PLEKHG3: variants seen among roughly 807,000 people sequenced by gnomAD.
PLEKHG3 encodes pleckstrin homology domain-containing family G member 3.
In PLEKHG3, 62 loss-of-function variants were observed where a neutral mutation model predicts 94.9. The ratio of observed to expected loss-of-function variants is 0.65; its 90% CI spans 0.53 to 0.81. The LOEUF (loss-of-function observed/expected upper bound fraction) is 0.81, where lower values mean the gene tolerates loss of function less well. Among genes scored for constraint, PLEKHG3 ranks in the 30% least tolerant of loss-of-function variants. PLEKHG3 has a pLI of 0.00. For missense variants in PLEKHG3, 1,461 were observed against 1,619.3 expected (o/e 0.90, Z 1.68); for synonymous variants, 614 against 654.0 (o/e 0.94, Z 0.93).
At position 64,727,373 on chromosome 14, in the gene PLEKHG3, C is replaced by T. The variant is rs2081371802; in HGVS notation, c.-39-220C>T. Among the ~76,000 whole-genome samples the T allele has an allele frequency of 6.6e-6, 1 of 152,210 alleles. No homozygotes were observed. The highest frequency in any genetic ancestry group is 1.5e-5 in the Non-Finnish European group (1 of 68,030). ...CATAACATAAAATTTACCATCTTCA[C>T]CATTTTAAGTGTACAGTTCAGTGAC... On this transcript the variant is annotated intron_variant, in intron 1 of 16. Coordinates refer to ENST00000247226, the MANE Select transcript of PLEKHG3 (RefSeq NM_001308147.2). This position sits in a 1 kb window ranked among gnomAD's most constrained non-coding sequence, Gnocchi z 6.0.
chr14:64,710,512 A>T (rs2081052552), intron 1 of PLEKHG3, among the ~76,000 whole-genome samples: 2 of 152,160 alleles, frequency 1.3e-5, no homozygotes, highest in Admixed American at 1.3e-4. Flanking sequence ...TCTATTAAAG[A>T]TAACAAAAAT....
intron 12 of PLEKHG3, 120 bp downstream of exon 12, chr14:64,733,021 TAGA>T (rs1465783978): frequency 3.0e-6 from 2 of 663,884 alleles, no homozygotes; most frequent in Non-Finnish European, 5.3e-6. Flanking sequence ...TGGGAAAGGC[TAGA>T]GCGGGGCTGG....
rs1481992380 is a variant in PLEKHG3 at position 64,749,932 on chromosome 14, G to A, written c.*6229G>A. On this transcript the variant is annotated 3_prime_UTR_variant, in exon 17 of 17. Coordinates refer to ENST00000247226, the MANE Select transcript of PLEKHG3 (RefSeq NM_001308147.2). The surrounding 1 kb of genome is among the most constrained non-coding windows in gnomAD (Gnocchi z 4.7). ...AGAGGGCCTCTGCCCTGCCACTAAT[G>A]CCAAATCAAGCCATCAACCCGAGCT... 22 of 1,612,674 alleles carry A rather than the reference G, an allele frequency of 1.4e-5. No individual in the cohort carries two copies. Among genetic ancestry groups the A allele is most frequent in the East Asian group, 2.2e-5 (1 of 44,894 alleles).
chr14:64,749,276 C>G lies in PLEKHG3; in HGVS notation c.*5573C>G. 3 of 1,551,352 alleles carry G rather than the reference C, an allele frequency of 1.9e-6. No homozygotes were observed. Among genetic ancestry groups the G allele is most frequent in the Non-Finnish European group, 2.6e-6 (3 of 1,153,474 alleles). On this transcript the variant is annotated 3_prime_UTR_variant, in exon 17 of 17. Transcript: ENST00000247226. The surrounding 1 kb of genome is among the most constrained non-coding windows in gnomAD (Gnocchi z 4.7). ...TGGGCTGCCCGGTCTCTGCGCGTCC[C>G]GACTCCGCCGCGCCCGCCAGCCCCA...
intron 14 of PLEKHG3, chr14:64,737,971 AGGT>A (rs1566713311): frequency 2.6e-6 from 3 of 1,141,132 alleles, no homozygotes; most frequent in Admixed American, 5.5e-5. Flanking sequence ...GAAGAGGAGG[AGGT>A]GGTGGAGGAG....
chr14:64,719,665 G>T (rs569198212), intron 1 of PLEKHG3, among the ~76,000 whole-genome samples: 2 of 151,938 alleles, frequency 1.3e-5, no homozygotes, highest in African/African-American at 4.8e-5. Flanking sequence ...CCCAGTGGGG[G>T]CCCCTCCACA....
intron 12 of PLEKHG3, among the ~76,000 whole-genome samples, chr14:64,734,179 C>A (rs893764634): frequency 5.3e-5 from 8 of 152,016 alleles, no homozygotes; most frequent in African/African-American, 1.9e-4. Context: ...GATCTTGAGC[C>A]CTAGGCCACC....
At position 64,741,859 on chromosome 14, in the gene PLEKHG3, C is replaced by T. The variant is rs773978261; in HGVS notation, c.2342C>T (p.Pro781Leu). Residue 781 changes from proline to leucine, a missense_variant, in exon 16 of 17, where the codon CCG becomes CTG. Pro to Leu is a moderately conservative substitution (Grantham distance 98, BLOSUM62 -3). Around this residue, in one of 3 missense-constraint regions of PLEKHG3, gnomAD observed 1,201 missense variants for 1,295.5 expected, o/e 0.93. Coordinates refer to ENST00000247226, the MANE Select transcript of PLEKHG3 (RefSeq NM_001308147.2). ...VGSKRQVGSRPTSWALFELPG... is the reference protein window; with the variant it reads ...VGSKRQVGSRLTSWALFELPG... ...AGCAAGAGACAGGTGGGCTCCCGGC[C>T]GACTTCGTGGGCCCTGTTTGAGCTC... The T allele has an allele frequency of 2.9e-5, 47 of 1,613,202 alleles. No homozygotes were observed. The East Asian group carries it at 5.6e-4, about 19-fold the overall frequency.
chr14:64,740,162 G>T (rs910275978), intron 15 of PLEKHG3, among the ~76,000 whole-genome samples: 1 of 152,050 alleles, frequency 6.6e-6, no homozygotes, highest in Admixed American at 6.6e-5. Flanking sequence ...ACCCCATTTC[G>T]GGTGCTCAGA....
intron 1 of PLEKHG3, among the ~76,000 whole-genome samples, chr14:64,708,292 T>A (rs529920577): frequency 1.1e-4 from 16 of 152,186 alleles, no homozygotes; most frequent in African/African-American, 3.1e-4. Flanking sequence ...CCAGACTCAA[T>A]GAATCACACC....
Position 64,738,132 on chromosome 14 carries a change from G to T in PLEKHG3, c.1405-610G>T. On this transcript the variant is annotated intron_variant, in intron 14 of 16. Coordinates refer to ENST00000247226, the MANE Select transcript of PLEKHG3 (RefSeq NM_001308147.2). This position sits in a 1 kb window ranked among gnomAD's most constrained non-coding sequence, Gnocchi z 4.8. Reference sequence around the variant, plus strand: ...GCAGGAGGAGAGCCTGGCGGTGGCGGAGCAGGTAGCCGACTTTGCCAGCTC... The same window carrying T: ...GCAGGAGGAGAGCCTGGCGGTGGCGTAGCAGGTAGCCGACTTTGCCAGCTC... 7.7e-7 allele frequency: 1 copy of T among 1,299,712 alleles called. No homozygotes were observed. The highest frequency in any genetic ancestry group is 1.0e-6 in the Non-Finnish European group (1 of 994,794). The allele number at this position is 1,299,712 out of a possible 1,614,324, so 80.5% of individuals were successfully genotyped here. A position where few individuals can be genotyped will look rare whatever the true frequency, so the allele number is the denominator to read the frequency against.
At position 64,749,234 on chromosome 14, in the gene PLEKHG3, G is replaced by T; in HGVS notation, c.*5531G>T. On this transcript the variant is annotated 3_prime_UTR_variant, in exon 17 of 17. Transcript: ENST00000247226. The surrounding 1 kb of genome is among the most constrained non-coding windows in gnomAD (Gnocchi z 4.7). Reference sequence around the variant, plus strand: ...CTCGATTCGACCGGCGGGCGGCGGCGAGAGGAGGCCAAGGCCTGGGCTGCC... The same window carrying T: ...CTCGATTCGACCGGCGGGCGGCGGCTAGAGGAGGCCAAGGCCTGGGCTGCC... 6.6e-7 allele frequency: 1 copy of T among 1,515,006 alleles called. No homozygotes were observed. The highest frequency in any genetic ancestry group is 1.2e-5 in the South Asian group (1 of 83,128). 93.8% of individuals were successfully genotyped at this position (1,515,006 alleles called of 1,614,324 possible).
chr14:64,742,221 C>CCCTG lies in PLEKHG3; in HGVS notation c.2705_2706insCTGC (p.Leu903CysfsTer56). ...CAGTACCCAGGGGGAGCTGGTGGCC[C>CCCTG]CACTGCACCCCCGCATCGTGCAGCT... is the stretch of plus-strand genomic sequence containing the variant. On this transcript the variant is annotated frameshift_variant, in exon 16 of 17. Transcript: ENST00000247226. LOFTEE classifies it high-confidence loss of function. 6.2e-7 allele frequency: 1 copy of CCCTG among 1,612,980 alleles called. No homozygotes were observed. Among genetic ancestry groups the CCCTG allele is most frequent in the Non-Finnish European group, 8.5e-7 (1 of 1,179,926 alleles).
chr14:64,736,685 G>A (rs964234518), intron 12 of PLEKHG3, among the ~76,000 whole-genome samples, 168 bp from the exon 13 acceptor site: 2 of 152,214 alleles, frequency 1.3e-5, no homozygotes, highest in Non-Finnish European at 2.9e-5. Flanking sequence ...GTGCAAGGGG[G>A]CTCGCCGACA....
At chr14:64,707,565 G>A (rs1464083663) in intron 1 of PLEKHG3, among the ~76,000 whole-genome samples, 1 of 152,224 alleles carries the variant, frequency 6.6e-6, no homozygotes, top group African/African-American at 2.4e-5. Context: ...GTGTGTTAGT[G>A]ATAAACAGAA....
chr14:64,749,106 G>T lies in PLEKHG3; in HGVS notation c.*5403G>T. ...CCCCTGTCCCTGGAGCGGAGCCAGC[G>T]CGGGCGAGGGCATGGAGGGGGCGTC... On this transcript the variant is annotated 3_prime_UTR_variant, in exon 17 of 17. Transcript: ENST00000247226. The surrounding 1 kb of genome is among the most constrained non-coding windows in gnomAD (Gnocchi z 4.7). 1.8e-6 allele frequency: 1 copy of T among 544,760 alleles called. No homozygotes were observed. Among genetic ancestry groups the T allele is most frequent in the Non-Finnish European group, 3.1e-6 (1 of 321,528 alleles). 33.7% of individuals were successfully genotyped at this position (544,760 alleles called of 1,614,324 possible). A position where few individuals can be genotyped will look rare whatever the true frequency, so the allele number is the denominator to read the frequency against.
Position 64,731,834 on chromosome 14 carries a change from A to G in PLEKHG3, c.1125+28A>G. 1 of 1,513,362 alleles carries G rather than the reference A, an allele frequency of 6.6e-7. No homozygotes were observed. The highest frequency in any genetic ancestry group is 9.2e-7 in the Non-Finnish European group (1 of 1,089,270). 93.7% of individuals were successfully genotyped at this position (1,513,362 alleles called of 1,614,324 possible). On this transcript the variant is annotated intron_variant, in intron 9 of 16. Transcript: ENST00000247226. The surrounding 1 kb of genome is among the most constrained non-coding windows in gnomAD (Gnocchi z 6.1). ...GAGGGGAAGGTGGGGCTCAGGGGCT[A>G]GGGAACAAGATGCCCAGGGGACACC...
At position 64,749,054 on chromosome 14, in the gene PLEKHG3, C is replaced by G. The variant is rs1392707249; in HGVS notation, c.*5351C>G. 4.7e-6 allele frequency: 2 copies of G among 424,348 alleles called. No individual in the cohort carries two copies. The highest frequency in any genetic ancestry group is 8.5e-6 in the Non-Finnish European group (2 of 236,140). 26.3% of individuals were successfully genotyped at this position (424,348 alleles called of 1,614,324 possible). ...CGTTTCCTGCCCCCAGGCCTGGAGGCCCCAAAGGCGCCAGAGGAGCTGGGA... is the reference window on the plus strand; with the variant it reads ...CGTTTCCTGCCCCCAGGCCTGGAGGGCCCAAAGGCGCCAGAGGAGCTGGGA... On this transcript the variant is annotated 3_prime_UTR_variant, in exon 17 of 17. Coordinates refer to ENST00000247226, the MANE Select transcript of PLEKHG3 (RefSeq NM_001308147.2). The surrounding 1 kb of genome is among the most constrained non-coding windows in gnomAD (Gnocchi z 4.7).
At position 64,750,131 on chromosome 14, in the gene PLEKHG3, A is replaced by G. The variant is rs2139418619; in HGVS notation, c.*6428A>G. The G allele has an allele frequency of 6.2e-7, 1 of 1,614,148 alleles. No homozygotes were observed. Among genetic ancestry groups the G allele is most frequent in the Admixed American group, 1.7e-5 (1 of 60,024 alleles). On this transcript the variant is annotated 3_prime_UTR_variant, in exon 17 of 17. Transcript: ENST00000247226. ...GAAGGTTAGCTCACTGTTCCTGAGC[A>G]CACAGTACAGGTTGTTCCAGGACCT...
Sources: gnomAD v4.1 joint callset for allele counts (sites outside exome capture counted in the v4.1 genomes callset) on GRCh38, gnomAD v4.1.1 for gene constraint, gnomAD v4.1.1 regional missense constraint, Gnocchi (gnomAD v3.1) non-coding constraint, MANE v1.5 for transcripts, NCBI Gene and HGNC (gene_info 2026-07-23, HGNC 2026-07-21) for gene names.